Variants in KIAA1217 observed in about 807,000 individuals in gnomAD.
The protein encoded by KIAA1217 is sickle tail protein homolog.
KIAA1217 carries 88 observed loss-of-function variants against 163.9 expected under a neutral mutation model. The ratio of observed to expected loss-of-function variants is 0.54; its 90% confidence interval spans 0.45 to 0.64. The LOEUF (loss-of-function observed/expected upper bound fraction) is 0.64, where lower values mean the gene tolerates loss of function less well. Among genes scored for constraint, KIAA1217 ranks in the 30% least tolerant of loss-of-function variants. The pLI, the probability that KIAA1217 is intolerant of heterozygous loss-of-function variation, is 0.00. For synonymous variants in KIAA1217, 903 were observed against 923.1 expected (o/e 0.98, Z 0.39); for missense variants, 2,372 against 2,475.0 (o/e 0.96, Z 0.88).
chr10:23,819,675 G>T (rs1421754412), intron 1 of KIAA1217, among the ~76,000 whole-genome samples: 2 of 152,122 alleles, frequency 1.3e-5, no homozygotes, highest in African/African-American at 4.8e-5. Flanking sequence ...CAAAAAATAT[G>T]TCTTACCTAA....
intron 2 of KIAA1217, among the ~76,000 whole-genome samples, chr10:24,189,120 G>A (rs11013945): frequency 0.55 from 64,168 of 116,082 alleles, 15,575 homozygotes; most frequent in Middle Eastern, 0.67. Context: ...AAAAAAAAAA[G>A]AAAAGAAAAA....
intron 1 of KIAA1217, among the ~76,000 whole-genome samples, chr10:23,960,486 ATT>A (rs1324115903): frequency 2.0e-5 from 3 of 148,746 alleles, no homozygotes; most frequent in East Asian, 4.1e-4. Context: ...CCAACTCCCA[ATT>A]TCAGGTGATC....
At chr10:23,726,966 T>C (rs1838182311) in intron 1 of KIAA1217, among the ~76,000 whole-genome samples, 1 of 150,492 alleles carries the variant, frequency 6.6e-6, no homozygotes, top group African/African-American at 2.4e-5. Flanking sequence ...TTCCATGCCA[T>C]TTGTATAGGC....
chr10:24,246,190 G>A (rs1379231495), intron 2 of KIAA1217, among the ~76,000 whole-genome samples: 1 of 152,120 alleles, frequency 6.6e-6, no homozygotes, highest in Non-Finnish European at 1.5e-5. Flanking sequence ...TCCCTTGTGG[G>A]CTGTGTGTGT....
At position 24,370,134 on chromosome 10, in the gene KIAA1217, G is replaced by A. The variant is rs191999607; in HGVS notation, c.355-10735G>A. Among the ~76,000 whole-genome samples the A allele has an allele frequency of 5.8e-3, 884 of 151,950 alleles. 7 individuals are homozygous for A. Among genetic ancestry groups the A allele is most frequent in the African/African-American group, 0.019 (805 of 41,444 alleles). Reference sequence around the variant, plus strand: ...TAAAAACTTAGCCAGGCGTGATGGCGGGCGCCTGTAGTCCCAGCTACTCGG... The same window carrying A: ...TAAAAACTTAGCCAGGCGTGATGGCAGGCGCCTGTAGTCCCAGCTACTCGG... On this transcript the variant is annotated intron_variant, in intron 2 of 20. Transcript: ENST00000376454.
At chr10:24,011,616 G>C (rs184258692) in intron 2 of KIAA1217, among the ~76,000 whole-genome samples, 1 of 152,154 alleles carries the variant, frequency 6.6e-6, no homozygotes, top group African/African-American at 2.4e-5. Flanking sequence ...ATTCAAACAA[G>C]TTGTGAGTTT....
chr10:24,468,771 C>T (rs1010502755), intron 5 of KIAA1217, among the ~76,000 whole-genome samples: 10 of 152,272 alleles, frequency 6.6e-5, no homozygotes, highest in South Asian at 4.2e-4. Flanking sequence ...TAAAATATTT[C>T]GACTATCACT....
chr10:24,415,943 G>A (rs886998792), intron 3 of KIAA1217, among the ~76,000 whole-genome samples: 2 of 152,192 alleles, frequency 1.3e-5, no homozygotes, highest in Non-Finnish European at 2.9e-5. Flanking sequence ...GGAACAGCAG[G>A]GAGACCCAGG....
At chr10:23,876,605 C>G (rs2131177184) in intron 1 of KIAA1217, among the ~76,000 whole-genome samples, 1 of 152,064 alleles carries the variant, frequency 6.6e-6, no homozygotes, top group Non-Finnish European at 1.5e-5. Context: ...TGGGATGGCA[C>G]TCTTCCAGAA....
Position 24,406,392 on chromosome 10 carries a change from AACAC to A in KIAA1217, c.553+25350_553+25353del, listed in dbSNP as rs34564889. Among the ~76,000 whole-genome samples the A allele has an allele frequency of 7.8e-4, 104 of 133,858 alleles. 1 individual carries two copies. The highest frequency in any genetic ancestry group is 4.6e-3 in the South Asian group (21 of 4,564). 87.8% of individuals were successfully genotyped at this position (133,858 alleles called of 152,430 possible). On this transcript the variant is annotated intron_variant, in intron 3 of 20. Transcript: ENST00000376454. ...ATATGCAAAGGTACATTCACACACAAACACACACACACACACACACACACACACC... is the reference window on the plus strand; with the variant it reads ...ATATGCAAAGGTACATTCACACACAAACACACACACACACACACACACACC...
intron 6 of KIAA1217, chr10:24,482,336 A>T (rs565140145): frequency 2.0e-5 from 3 of 152,256 alleles, no homozygotes; most frequent in Non-Finnish European, 4.4e-5. Context: ...CCAGAAACTT[A>T]AGCCAGAAAA....
chr10:23,938,353 T>G (rs1056416742), intron 1 of KIAA1217, among the ~76,000 whole-genome samples: 2 of 152,102 alleles, frequency 1.3e-5, no homozygotes, highest in Non-Finnish European at 2.9e-5. Context: ...ATGCAAGCCT[T>G]GATTGAATCA....
At chr10:23,759,045 C>T (rs1389058394) in intron 1 of KIAA1217, among the ~76,000 whole-genome samples, 1 of 152,090 alleles carries the variant, frequency 6.6e-6, no homozygotes, top group Non-Finnish European at 1.5e-5. Context: ...TTTTTCAACC[C>T]ATGAACATGG....
At position 24,158,710 on chromosome 10, in the gene KIAA1217, G is replaced by T. The variant is rs368009465; in HGVS notation, c.-170-60916G>T. ...GAGACCTCTTGCTACAGCATACAAA[G>T]ATTCTACTAGTGATTATCAGGTTAT... On this transcript the variant is annotated intron_variant, in intron 2 of 18. Transcript: ENST00000376462. 1.2e-3 allele frequency: 626 copies of T among 505,434 alleles called. 2 individuals carry two copies. The highest frequency in any genetic ancestry group is 0.011 in the African/African-American group (556 of 50,676). 31.3% of individuals were successfully genotyped at this position (505,434 alleles called of 1,614,324 possible). A position where few individuals can be genotyped will look rare whatever the true frequency, so the allele number is the denominator to read the frequency against.
intron 1 of KIAA1217, among the ~76,000 whole-genome samples, chr10:23,957,550 C>T (rs1278403600): frequency 1.3e-5 from 2 of 152,150 alleles, no homozygotes; most frequent in Non-Finnish European, 2.9e-5. Flanking sequence ...GGTGAAACCC[C>T]GTCTCTACTA....
chr10:24,017,855 T>A (rs1847556843), intron 2 of KIAA1217, among the ~76,000 whole-genome samples: 1 of 151,976 alleles, frequency 6.6e-6, no homozygotes, highest in Non-Finnish European at 1.5e-5. Context: ...TGGAACAACA[T>A]ACATTGAAAG....
intron 10 of KIAA1217, among the ~76,000 whole-genome samples, chr10:24,519,576 C>T (rs777930248): frequency 4.6e-5 from 7 of 152,124 alleles, no homozygotes; most frequent in Non-Finnish European, 7.4e-5. Flanking sequence ...GGCAAGGTTT[C>T]TACTGGCATC....
At chr10:24,098,868 C>A (rs986032850) in intron 2 of KIAA1217, among the ~76,000 whole-genome samples, 4 of 152,012 alleles carry the variant, frequency 2.6e-5, no homozygotes, top group Non-Finnish European at 5.9e-5. Flanking sequence ...CCTGTAGTCC[C>A]AGCTACTTGA....
chr10:23,893,133 G>T (rs529038031), intron 1 of KIAA1217, among the ~76,000 whole-genome samples: 2 of 151,976 alleles, frequency 1.3e-5, no homozygotes, highest in Admixed American at 6.6e-5. Flanking sequence ...GACTCTATTT[G>T]GTTGGTAAGC....
Sources: allele counts gnomAD v4.1 joint callset (sites outside exome capture counted in the v4.1 genomes callset), GRCh38; gene constraint gnomAD v4.1.1; transcripts MANE v1.5; gene names NCBI Gene and HGNC (gene_info 2026-07-23, HGNC 2026-07-21).